The following SPTLC2 variants were observed in gnomAD, a reference collection of about 807,000 sequenced individuals.
The protein encoded by SPTLC2 is serine palmitoyltransferase long chain base subunit 2.
Under a neutral mutation model 62.0 loss-of-function variants are expected in SPTLC2, and 21 were observed. That is an observed-to-expected ratio of 0.34 (90% CI 0.24 to 0.49). SPTLC2 has a LOEUF of 0.49. SPTLC2 is among the 20% of genes least tolerant of loss of function. SPTLC2 has a pLI of 0.99. For synonymous variants in SPTLC2, 261 were observed against 261.8 expected (o/e 1.00, Z 0.03); for missense variants, 511 against 713.0 (o/e 0.72, Z 3.23).
At chr14:77,521,346 A>G (rs2079383921) in intron 10 of SPTLC2, 100 bp downstream of exon 10, 11 of 1,467,754 alleles carry the variant, frequency 7.5e-6, no homozygotes, top group Non-Finnish European at 9.5e-6. Context: ...TTAACACAGT[A>G]AGGACAAGAC....
intron 4 of SPTLC2, among the ~76,000 whole-genome samples, chr14:77,574,301 C>A (rs1169873634): frequency 6.6e-6 from 1 of 152,084 alleles, no homozygotes; most frequent in African/African-American, 2.4e-5. Flanking sequence ...CCAGAGGGAA[C>A]AGGTAGCAAA....
intron 9 of SPTLC2, among the ~76,000 whole-genome samples, chr14:77,536,723 A>G (rs80300504): frequency 0.04 from 6,026 of 152,236 alleles, 134 homozygotes; most frequent in Middle Eastern, 0.095. Context: ...TTTAAAAAGA[A>G]GAAAAAAAAA....
At chr14:77,564,527 A>C (rs1002319947) in intron 5 of SPTLC2, among the ~76,000 whole-genome samples, 4 of 151,946 alleles carry the variant, frequency 2.6e-5, no homozygotes, top group Admixed American at 2.0e-4. Flanking sequence ...AGAAGCAGTG[A>C]TACTCCTTCA....
At chr14:77,513,975 C>T (rs946996858) in intron 11 of SPTLC2, among the ~76,000 whole-genome samples, 17 of 150,014 alleles carry the variant, frequency 1.1e-4, no homozygotes, top group East Asian at 2.0e-4. Flanking sequence ...CCAAGGCAGG[C>T]GGACTGCTTG....
intron 7 of SPTLC2, among the ~76,000 whole-genome samples, 174 bp from the exon 8 acceptor site, chr14:77,555,693 A>G (rs1288623834): frequency 1.3e-5 from 2 of 151,750 alleles, no homozygotes; most frequent in African/African-American, 4.8e-5. Flanking sequence ...TCGGCTTACT[A>G]CAATCCCTGA....
rs183167849 is a variant in SPTLC2, at chr14:77,515,575, A to C, written c.1569+2463T>G. Among the ~76,000 whole-genome samples, 110 of 133,176 alleles carry C rather than the reference A, an allele frequency of 8.3e-4. 1 individual carries two copies. The East Asian group carries it at 0.022, about 26-fold the overall frequency. 87.4% of individuals were successfully genotyped at this position (133,176 alleles called of 152,430 possible). The stretch of plus-strand genomic sequence containing the variant: ...TTTTTTTTTTTTTTTTTTGAGACAG[A>C]GTCTCGCACTGTCGCCCGGGCTGGA... On this transcript the variant is annotated intron_variant, in intron 11 of 11. Transcript: ENST00000216484.
chr14:77,577,021 A>G (rs370663440), intron 3 of SPTLC2, 106 bp from the exon 4 acceptor site: 31 of 1,313,742 alleles, frequency 2.4e-5, no homozygotes, highest in East Asian at 1.9e-4. Flanking sequence ...AACAAAGTCT[A>G]TATTAAAAAA....
chr14:77,521,582 C>A lies in SPTLC2; in HGVS notation c.1304-1G>T. 1 of 1,613,872 alleles carries A rather than the reference C, an allele frequency of 6.2e-7. No individual in the cohort carries two copies. Among genetic ancestry groups the A allele is most frequent in the Non-Finnish European group, 8.5e-7 (1 of 1,179,884 alleles). On this transcript the variant is annotated splice_acceptor_variant, in intron 9 of 11. Coordinates refer to ENST00000216484, the MANE Select transcript of SPTLC2 (RefSeq NM_004863.4). LOFTEE classifies it high-confidence loss of function. ...GCTAACTGTTGTACACACTCTTTAC[C>A]TGGAAAGTCACGGTGAGAGAAAACA...
chr14:77,525,175 A>T (rs1421267240), intron 9 of SPTLC2, among the ~76,000 whole-genome samples: 1 of 152,160 alleles, frequency 6.6e-6, no homozygotes, highest in African/African-American at 2.4e-5. Flanking sequence ...GATTCTGGCT[A>T]CTTGGGGGGC....
chr14:77,526,161 T>TTG (rs2079408212), intron 9 of SPTLC2, among the ~76,000 whole-genome samples: 1 of 152,194 alleles, frequency 6.6e-6, no homozygotes, highest in East Asian at 1.9e-4. Flanking sequence ...AACTGAATCT[T>TTG]AACAGACAAC....
rs761595233 is a variant in SPTLC2 at position 77,570,370 on chromosome 14, A to C, written c.756+14T>G. On this transcript the variant is annotated intron_variant, in intron 5 of 11. Coordinates refer to ENST00000216484, the MANE Select transcript of SPTLC2 (RefSeq NM_004863.4). ...ATACATGAGGGAGTTTTCATAAATG[A>C]CAGAGTATCTTACTTTGCCAACAAG... 7 of 1,612,236 alleles carry C rather than the reference A, an allele frequency of 4.3e-6. No homozygotes were observed. The highest frequency in any genetic ancestry group is 5.1e-6 in the Non-Finnish European group (6 of 1,179,904).
chr14:77,542,063 G>GGAAA (rs572871955), intron 9 of SPTLC2, among the ~76,000 whole-genome samples: 2 of 120,472 alleles, frequency 1.7e-5, no homozygotes, highest in African/African-American at 6.0e-5. Context: ...TCTGTGTCCG[G>GGAAA]AAAAAAAAAA....
At chr14:77,545,553 G>A (rs147593962) in intron 9 of SPTLC2, among the ~76,000 whole-genome samples, 1 of 152,194 alleles carries the variant, frequency 6.6e-6, no homozygotes, top group Non-Finnish European at 1.5e-5. Context: ...ACAGGCGTGA[G>A]CCATCGTGCC....
chr14:77,514,135 A>C (rs887133171), intron 11 of SPTLC2, among the ~76,000 whole-genome samples: 4 of 151,804 alleles, frequency 2.6e-5, no homozygotes, highest in Admixed American at 6.6e-5. Flanking sequence ...GTGAGCCAAG[A>C]TCATGCCACT....
At chr14:77,549,240 A>AAAC (rs58224529) in intron 9 of SPTLC2, among the ~76,000 whole-genome samples, 1 of 150,432 alleles carries the variant, frequency 6.6e-6, no homozygotes, top group Non-Finnish European at 1.5e-5. Flanking sequence ...AAAAAAAAAA[A>AAAC]CCAGCCACAA....
intron 1 of SPTLC2, among the ~76,000 whole-genome samples, chr14:77,615,077 T>TA (rs1453239872): frequency 6.6e-6 from 1 of 152,202 alleles, no homozygotes; most frequent in East Asian, 1.9e-4. Flanking sequence ...TTACATTCTA[T>TA]ACCACAACAA....
At chr14:77,590,571 G>A (rs2140050712) in intron 2 of SPTLC2, among the ~76,000 whole-genome samples, 1 of 152,156 alleles carries the variant, frequency 6.6e-6, no homozygotes, top group South Asian at 2.1e-4. Context: ...CAAAAATTAG[G>A]TGTGGTTGCA....
intron 9 of SPTLC2, among the ~76,000 whole-genome samples, chr14:77,549,653 G>T (rs540217376): frequency 6.6e-6 from 1 of 152,164 alleles, no homozygotes; most frequent in Non-Finnish European, 1.5e-5. Flanking sequence ...TGCCCTGACC[G>T]AATTCTTGAC....
At chr14:77,586,057 G>A (rs1001536269) in intron 2 of SPTLC2, among the ~76,000 whole-genome samples, 3 of 149,244 alleles carry the variant, frequency 2.0e-5, no homozygotes, top group Non-Finnish European at 3.0e-5. Context: ...AACGATGAAC[G>A]TGATAAATTT....
Sources: allele counts gnomAD v4.1 joint callset (sites outside exome capture counted in the v4.1 genomes callset), GRCh38; gene constraint gnomAD v4.1.1; transcripts MANE v1.5; gene names NCBI Gene and HGNC (gene_info 2026-07-23, HGNC 2026-07-21).